The following PHLDB2 variants were observed in gnomAD, a reference collection of about 807,000 sequenced individuals.
The protein encoded by PHLDB2 is pleckstrin homology like domain family B member 2.
A neutral mutation model predicts 123.6 loss-of-function variants in PHLDB2; 71 were observed. The ratio of observed to expected loss-of-function variants is 0.57; its 90% CI spans 0.47 to 0.70. The LOEUF is 0.70. Ranked by LOEUF, PHLDB2 falls within the 30% of genes least tolerant of loss-of-function variation. The probability of loss-of-function intolerance (pLI) is 0.00; values close to 1 mark genes in which losing one functional copy is unlikely to be tolerated. For synonymous variants in PHLDB2, 547 were observed against 541.6 expected (o/e 1.01, Z -0.14); for missense variants, 1,446 against 1,519.5 (o/e 0.95, Z 0.80).
chr3:111,921,208 T>G (rs1238360497), intron 5 of PHLDB2, among the ~76,000 whole-genome samples: 1 of 152,174 alleles, frequency 6.6e-6, no homozygotes, highest in East Asian at 1.9e-4. Flanking sequence ...CCATTCTGAG[T>G]TAGTTAGAGC....
chr3:111,955,321 C>G (rs2070988065), intron 12 of PHLDB2, among the ~76,000 whole-genome samples: 1 of 151,946 alleles, frequency 6.6e-6, no homozygotes, highest in Non-Finnish European at 1.5e-5. Flanking sequence ...GCCATAATTT[C>G]TTAATAAGCT....
At chr3:111,894,701 G>C (rs951726868) in intron 2 of PHLDB2, among the ~76,000 whole-genome samples, 1 of 151,486 alleles carries the variant, frequency 6.6e-6, no homozygotes. Flanking sequence ...TTGGCTGCAT[G>C]AATGTCTTCT....
intron 2 of PHLDB2, among the ~76,000 whole-genome samples, chr3:111,907,263 G>A (rs2067598780): frequency 6.6e-6 from 1 of 152,158 alleles, no homozygotes; most frequent in Non-Finnish European, 1.5e-5. Flanking sequence ...CCCATTGACA[G>A]CTATGATAAG....
At chr3:111,772,693 G>T (rs753244496) in intron 1 of PHLDB2, among the ~76,000 whole-genome samples, 2 of 152,166 alleles carry the variant, frequency 1.3e-5, no homozygotes, top group East Asian at 1.9e-4. Flanking sequence ...ACAAGTAAAG[G>T]TTGCCGCAAG....
intron 8 of PHLDB2, among the ~76,000 whole-genome samples, chr3:111,944,895 A>G (rs712512): frequency 1 from 152,098 of 152,246 alleles, 75,976 homozygotes; most frequent in Middle Eastern, 1. Context: ...GGATGGTCTC[A>G]ATCTCGACCT....
In PHLDB2 at chr3:111,952,699, G is replaced by C. The variant is rs768559830; in HGVS notation, c.2759G>C (p.Ser920Thr). The C allele has an allele frequency of 2.0e-5, 33 of 1,612,852 alleles. No homozygotes were observed. Among genetic ancestry groups the C allele is most frequent in the Non-Finnish European group, 2.8e-5 (33 of 1,179,590 alleles). ...TTCAGCAGTGCTACTATGGGGAGAAGCATCACCCCAAAGGTAGGACCTGGG... is the reference window on the plus strand; with the variant it reads ...TTCAGCAGTGCTACTATGGGGAGAACCATCACCCCAAAGGTAGGACCTGGG... Reference protein sequence around the residue: ...PHFSSATMGRSITPKAHLPLG... With the variant: ...PHFSSATMGRTITPKAHLPLG... Residue 920 changes from serine (S) to threonine (T), a missense_variant, in exon 11 of 18, where the codon AGC (serine) becomes ACC (threonine). Around this residue, in one of 3 missense-constraint regions of PHLDB2, gnomAD observed 594 missense variants for 646.0 expected, o/e 0.92. Coordinates refer to ENST00000431670, the MANE Select transcript of PHLDB2 (RefSeq NM_001134438.2).
intron 1 of PHLDB2, among the ~76,000 whole-genome samples, chr3:111,806,613 G>A (rs1212420272): frequency 6.6e-6 from 1 of 151,626 alleles, no homozygotes; most frequent in Non-Finnish European, 1.5e-5. Flanking sequence ...AGCCTCTCAA[G>A]TAACTGGGAC....
In PHLDB2 at chr3:111,974,430, A is replaced by G; in HGVS notation, c.3629A>G (p.Asn1210Ser). The G allele has an allele frequency of 6.2e-7, 1 of 1,602,030 alleles. No individual in the cohort carries two copies. The highest frequency in any genetic ancestry group is 8.5e-7 in the Non-Finnish European group (1 of 1,174,816). Reference protein sequence around the residue: ...DHLKNANKSPNPLLTFSVKTH... With the variant: ...DHLKNANKSPSPLLTFSVKTH... ...TCCTTTTTTGAATTTTAGAGTCCTA[A>G]TCCGTTACTCACCTTTAGCGTCAAG... The change falls in exon 18 of 18, where the codon AAT becomes AGT. Residue 1210 changes from asparagine to serine, a missense_variant. Around this residue, in one of 3 missense-constraint regions of PHLDB2, gnomAD observed 594 missense variants for 646.0 expected, o/e 0.92. Transcript: ENST00000431670.
At chr3:111,872,301 A>G (rs1176932944) in intron 1 of PHLDB2, among the ~76,000 whole-genome samples, 2 of 152,188 alleles carry the variant, frequency 1.3e-5, no homozygotes, top group African/African-American at 4.8e-5. Context: ...TTTACGTAAA[A>G]TATACAGGAA....
intron 1 of PHLDB2, among the ~76,000 whole-genome samples, chr3:111,866,563 G>T (rs1023494162): frequency 1.3e-5 from 2 of 152,096 alleles, no homozygotes; most frequent in Non-Finnish European, 2.9e-5. Context: ...CAGGATGGCG[G>T]CAAGATCGGA....
intron 6 of PHLDB2, among the ~76,000 whole-genome samples, chr3:111,934,245 C>T (rs1259143542): frequency 2.0e-5 from 3 of 152,078 alleles, no homozygotes; most frequent in African/African-American, 2.4e-5. Context: ...TCAAGGATGA[C>T]GACCAGTATA....
intron 1 of PHLDB2, among the ~76,000 whole-genome samples, chr3:111,822,201 A>G (rs1305199279): frequency 2.0e-5 from 3 of 151,700 alleles, no homozygotes; most frequent in Admixed American, 1.3e-4. Flanking sequence ...ATATTTAGGT[A>G]TTAGTTTCTC....
At chr3:111,868,869 G>A (rs574594077) in intron 1 of PHLDB2, among the ~76,000 whole-genome samples, 12 of 152,226 alleles carry the variant, frequency 7.9e-5, no homozygotes, top group Admixed American at 2.0e-4. Flanking sequence ...AGTTATCACA[G>A]GGAACATGCA....
At chr3:111,825,558 G>C (rs770807374) in intron 1 of PHLDB2, among the ~76,000 whole-genome samples, 1 of 152,132 alleles carries the variant, frequency 6.6e-6, no homozygotes, top group Non-Finnish European at 1.5e-5. Context: ...AGCTGTTCTC[G>C]TGCCTCAGCC....
intron 1 of PHLDB2, among the ~76,000 whole-genome samples, chr3:111,752,621 A>C (rs1458192351): frequency 6.6e-6 from 1 of 151,184 alleles, no homozygotes; most frequent in Non-Finnish European, 1.5e-5. Flanking sequence ...TCTAACAAAA[A>C]AATTTCTTTT....
Position 111,887,337 on chromosome 3 carries a change from A to G in PHLDB2, c.1335+1925A>G, listed in dbSNP as rs2066230960. On this transcript the variant is annotated intron_variant, in intron 2 of 17. Coordinates refer to ENST00000431670, the MANE Select transcript of PHLDB2 (RefSeq NM_001134438.2). ...ATAGTGGGCGTATCGTATTTGTTGAAATGAGGCTTATTTTTAAATTTGACA... is the reference window on the plus strand; with the variant it reads ...ATAGTGGGCGTATCGTATTTGTTGAGATGAGGCTTATTTTTAAATTTGACA... 2.6e-5 allele frequency among the ~76,000 whole-genome samples: 4 copies of G among 152,150 alleles called. No individual in the cohort carries two copies. The South Asian group carries it at 8.3e-4, about 32-fold the overall frequency.
intron 1 of PHLDB2, among the ~76,000 whole-genome samples, chr3:111,792,225 G>T (rs573783823): frequency 1.3e-5 from 2 of 152,230 alleles, no homozygotes; most frequent in Non-Finnish European, 2.9e-5. Context: ...GTTTTTGCTT[G>T]CTTTGGAAAT....
intron 1 of PHLDB2, among the ~76,000 whole-genome samples, chr3:111,770,971 G>A (rs1191924376): frequency 3.5e-5 from 4 of 115,050 alleles, no homozygotes; most frequent in African/African-American, 6.0e-5. Context: ...GAGAGATGTG[G>A]AGCCCAGCCG....
intron 1 of PHLDB2, among the ~76,000 whole-genome samples, chr3:111,834,175 T>A (rs2063246724): frequency 2.4e-5 from 2 of 83,812 alleles, no homozygotes; most frequent in African/African-American, 4.2e-5. Flanking sequence ...TGTAATAGAA[T>A]TATATATATT....
Sources: allele counts gnomAD v4.1 joint callset (sites outside exome capture counted in the v4.1 genomes callset), GRCh38; gene constraint gnomAD v4.1.1; regional missense constraint gnomAD v4.1.1; transcripts MANE v1.5; gene names NCBI Gene and HGNC (gene_info 2026-07-23, HGNC 2026-07-21).